BRF2: variants seen among roughly 807,000 people sequenced by gnomAD.
The protein encoded by BRF2 is BRF2 general transcription factor IIIB subunit, also known as transcription factor IIIB 50 kDa subunit.
BRF2 carries 17 observed loss-of-function variants against 26.6 expected under a neutral mutation model. The observed-to-expected ratio is 0.64, with a 90% CI of 0.44 to 0.96. The LOEUF (loss-of-function observed/expected upper bound fraction) is 0.96. Among genes scored for constraint, BRF2 ranks in the 40% least tolerant of loss-of-function variants. The pLI is 0.00. For missense variants in BRF2, 515 were observed against 537.0 expected (o/e 0.96, Z 0.40); for synonymous variants, 219 against 226.6 (o/e 0.97, Z 0.30).
chr8:37,845,246 T>C, intron 3 of BRF2, 33 bp from the exon 4 acceptor site: 1 of 1,562,874 alleles, frequency 6.4e-7, no homozygotes, highest in Non-Finnish European at 8.8e-7. Flanking sequence ...TGGATCTTAA[T>C]GATATAGGGG....
rs1485639938 is a variant in BRF2, at chr8:37,844,380, T to C, written c.*110A>G. The C allele has an allele frequency of 2.7e-6, 4 of 1,454,564 alleles. No individual in the cohort carries two copies. Among genetic ancestry groups the C allele is most frequent in the Non-Finnish European group, 3.7e-6 (4 of 1,071,358 alleles). The allele number at this position is 1,454,564 out of a possible 1,614,324, so 90.1% of individuals were successfully genotyped here. ...AATGGCAGAGCCCCTCTTGGTTCCT[T>C]CAAACAAGAAAAGCAATACCTACGG... On this transcript the variant is annotated 3_prime_UTR_variant, in exon 4 of 4. Transcript: ENST00000220659.
At position 37,849,669 on chromosome 8, in the gene BRF2, C is replaced by A. The variant is rs752525380; in HGVS notation, c.115G>T (p.Val39Phe). Residue 39 changes from valine (V) to phenylalanine (F), a missense_variant, in exon 1 of 4, where the codon GTC (valine) becomes TTC (phenylalanine). Physicochemically the swap from Val to Phe is conservative, Grantham distance 50. Coordinates refer to ENST00000220659, the MANE Select transcript of BRF2 (RefSeq NM_018310.4). ...TCGTCGCTGAAGGTAGTGGTAAGGA[C>A]CCCCTCGGTGACCACGCAGCCGCAG... ...SDCGCVVTEG[V>F]LTTTFSDEGN... The A allele has an allele frequency of 1.9e-6, 3 of 1,613,376 alleles. No individual in the cohort carries two copies. The highest frequency in any genetic ancestry group is 4.5e-5 in the East Asian group (2 of 44,868).
Position 37,847,101 on chromosome 8 carries a change from A to G in BRF2, c.289T>C (p.Tyr97His), listed in dbSNP as rs182678135. 107 of 1,614,234 alleles carry G rather than the reference A, an allele frequency of 6.6e-5. No individual in the cohort carries two copies. Among genetic ancestry groups the G allele is most frequent in the Non-Finnish European group, 6.7e-5 (79 of 1,180,036 alleles). ...PTFEDTAVAY[Y>H]QQAYRHSGIR... ...CCAGAGTGCCGATATGCCTGTTGGT[A>G]GTAGGCAACCGCGGTATCCTCAAAT... The change falls in exon 3 of 4, where the codon TAC (tyrosine) becomes CAC (histidine). Residue 97 changes from tyrosine to histidine, a missense_variant. By Grantham distance (83) the Tyr-to-His change is moderately conservative (BLOSUM62 2). Coordinates refer to ENST00000220659, the MANE Select transcript of BRF2 (RefSeq NM_018310.4).
chr8:37,848,595 C>T lies in BRF2; in HGVS notation c.214+1G>A, dbSNP rs200905754. ...CTGTGTTGTAAAAGGTCAATTCTCACCTCGTTGCTGGCTGCGACTAACTTG... is the reference window on the plus strand; with the variant it reads ...CTGTGTTGTAAAAGGTCAATTCTCATCTCGTTGCTGGCTGCGACTAACTTG... On this transcript the variant is annotated splice_donor_variant, in intron 2 of 3. Transcript: ENST00000220659. LOFTEE classifies it high-confidence loss of function. 15 of 1,613,922 alleles carry T rather than the reference C, an allele frequency of 9.3e-6. No individual in the cohort carries two copies. Among genetic ancestry groups the T allele is most frequent in the Non-Finnish European group, 1.3e-5 (15 of 1,179,882 alleles).
chr8:37,844,954 G>A lies in BRF2; in HGVS notation c.796C>T (p.Leu266=), dbSNP rs34817565. Reference sequence around the variant, plus strand: ...AGCAGCACAGCCAGCAGCTCCTGCAGGCGGGAGGACGCCGGGTAGGGCAGG... The same window carrying A: ...AGCAGCACAGCCAGCAGCTCCTGCAAGCGGGAGGACGCCGGGTAGGGCAGG... ...VDLPYPASSR[L]QELLAVLLRM... is the part of the protein sequence containing the mutation. Residue 266 remains leucine (L), a synonymous_variant, in exon 4 of 4, where the codon CTG becomes TTG. Coordinates refer to ENST00000220659, the MANE Select transcript of BRF2 (RefSeq NM_018310.4). 13,001 of 1,614,152 alleles carry A rather than the reference G, an allele frequency of 8.1e-3. 775 individuals carry two copies. The East Asian group carries it at 0.17, about 21-fold the overall frequency.
At chr8:37,848,218 G>A (rs1367005315) in intron 2 of BRF2, among the ~76,000 whole-genome samples, 2 of 151,018 alleles carry the variant, frequency 1.3e-5, no homozygotes, top group African/African-American at 2.4e-5. Flanking sequence ...CCAAAGTGCT[G>A]GGATTACAGG....
chr8:37,844,584 A>G lies in BRF2; in HGVS notation c.1166T>C (p.Ile389Thr), dbSNP rs1281773586. 5.0e-6 allele frequency: 8 copies of G among 1,614,032 alleles called. No homozygotes were observed. Among genetic ancestry groups the G allele is most frequent in the Non-Finnish European group, 6.8e-6 (8 of 1,180,002 alleles). ...CTGAGGGGTACGCAAATACTGTTCT[A>G]TTTCACTATCAGAAATGTTCTCATC... is the stretch of plus-strand genomic sequence containing the variant. ...TGDENISDSE[I>T]EQYLRTPQEV... The change falls in exon 4 of 4, where the codon ATA (isoleucine) becomes ACA (threonine). Residue 389 changes from isoleucine (I) to threonine (T), a missense_variant. Ile to Thr is a moderately conservative substitution (Grantham distance 89, BLOSUM62 -1). Transcript: ENST00000220659.
intron 3 of BRF2, among the ~76,000 whole-genome samples, chr8:37,845,985 C>T (rs1434140687): frequency 6.6e-6 from 1 of 152,216 alleles, no homozygotes; most frequent in Admixed American, 6.5e-5. Context: ...CTCAGCAGCC[C>T]TGTGCCAAGA....
Position 37,847,006 on chromosome 8 carries a change from C to T in BRF2, c.384G>A (p.Gln128=). 4 of 1,614,242 alleles carry T rather than the reference C, an allele frequency of 2.5e-6. No individual in the cohort carries two copies. In the South Asian group the frequency reaches 3.3e-5, roughly 13 times the overall value. ...VGCCVLITCR[Q]HNWPLTMGAI... Reference sequence around the variant, plus strand: ...CCCCCATTGTTAGGGGCCAGTTATGCTGTCGGCAGGTGATTAAGACGCAGC... The same window carrying T: ...CCCCCATTGTTAGGGGCCAGTTATGTTGTCGGCAGGTGATTAAGACGCAGC... The change falls in exon 3 of 4, where the codon CAG becomes CAA. Residue 128 remains glutamine (Q), a synonymous_variant. Transcript: ENST00000220659.
At position 37,847,288 on chromosome 8, in the gene BRF2, G is replaced by A. The variant is rs141294190; in HGVS notation, c.215-113C>T. On this transcript the variant is annotated intron_variant, in intron 2 of 3. Coordinates refer to ENST00000220659, the MANE Select transcript of BRF2 (RefSeq NM_018310.4). ...GCTAAACTTGCCTCAGATATCAGAT[G>A]CACAAATTATGTACCTTTCTGCATA... is the stretch of plus-strand genomic sequence containing the variant. 64 of 863,642 alleles carry A rather than the reference G, an allele frequency of 7.4e-5. 1 individual carries two copies. In the African/African-American group the frequency reaches 9.5e-4, roughly 13 times the overall value. 53.5% of individuals were successfully genotyped at this position (863,642 alleles called of 1,614,324 possible).
chr8:37,844,480 T>C lies in BRF2; in HGVS notation c.*10A>G. On this transcript the variant is annotated 3_prime_UTR_variant, in exon 4 of 4. Transcript: ENST00000220659. ...TCAGAACAGGATGAAGTGCTCCCAGTGGATATCCATCAGGGAGGGTTAGGG... is the reference window on the plus strand; with the variant it reads ...TCAGAACAGGATGAAGTGCTCCCAGCGGATATCCATCAGGGAGGGTTAGGG... 1 of 1,610,690 alleles carries C rather than the reference T, an allele frequency of 6.2e-7. No homozygotes were observed. Among genetic ancestry groups the C allele is most frequent in the Non-Finnish European group, 8.5e-7 (1 of 1,178,578 alleles).
intron 1 of BRF2, 90 bp from the exon 2 acceptor site, chr8:37,848,745 A>G: frequency 9.4e-7 from 1 of 1,063,982 alleles, no homozygotes; most frequent in Non-Finnish European, 1.5e-6. Context: ...CGCAAAATTC[A>G]AATCATTGAG....
At position 37,849,779 on chromosome 8, in the gene BRF2, G is replaced by C; in HGVS notation, c.5C>G (p.Pro2Arg). Residue 2 changes from proline (P) to arginine (R), a missense_variant, in exon 1 of 4, where the codon CCA becomes CGA. By Grantham distance (103) the Pro-to-Arg change is moderately radical. Coordinates refer to ENST00000220659, the MANE Select transcript of BRF2 (RefSeq NM_018310.4). ...GCAGTCCGGGCAGCGGCCTCTGCCT[G>C]GCATCTCACAACCGGCCCCAAAGCC... The part of the protein sequence containing the change: M[P>R]GRGRCPDCGS... 1 of 1,608,398 alleles carries C rather than the reference G, an allele frequency of 6.2e-7. No individual in the cohort carries two copies. Among genetic ancestry groups the C allele is most frequent in the Non-Finnish European group, 8.5e-7 (1 of 1,178,596 alleles).
Position 37,844,321 on chromosome 8 carries a change from C to T in BRF2, c.*169G>A, listed in dbSNP as rs766235754. 3.7e-5 allele frequency: 29 copies of T among 776,694 alleles called. No homozygotes were observed. The highest frequency in any genetic ancestry group is 5.6e-5 in the Admixed American group (2 of 35,600). The allele number at this position is 776,694 out of a possible 1,614,324, so 48.1% of individuals were successfully genotyped here. A position where few individuals can be genotyped will look rare whatever the true frequency, so the allele number is the denominator to read the frequency against. ...TCTCCTACCTATAGTCATCCCTGCA[C>T]TCCTGACTTTACTCCAGGACCCAGG... On this transcript the variant is annotated 3_prime_UTR_variant, in exon 4 of 4. Coordinates refer to ENST00000220659, the MANE Select transcript of BRF2 (RefSeq NM_018310.4).
chr8:37,846,342 G>A (rs545642562), intron 3 of BRF2, among the ~76,000 whole-genome samples: 2 of 151,012 alleles, frequency 1.3e-5, no homozygotes. Flanking sequence ...AGCAAGACTC[G>A]GTCTCAAAAA....
intron 3 of BRF2, 42 bp from the exon 4 acceptor site, chr8:37,845,255 G>T (rs1314839328): frequency 1.4e-5 from 22 of 1,528,474 alleles, no homozygotes; most frequent in Non-Finnish European, 2.0e-5. Flanking sequence ...ATGATATAGG[G>T]GCTGCTCTCC....
At position 37,849,850 on chromosome 8, in the gene BRF2, G is replaced by A. The variant is rs1006263131; in HGVS notation, c.-67C>T. Reference sequence around the variant, plus strand: ...CTGGGTCTGCAACAGCAACCGTGAGGCAGCAAGAAGTAGGAGGGGACACTT... The same window carrying A: ...CTGGGTCTGCAACAGCAACCGTGAGACAGCAAGAAGTAGGAGGGGACACTT... On this transcript the variant is annotated 5_prime_UTR_variant, in exon 1 of 4. Transcript: ENST00000220659. 4.1e-6 allele frequency: 6 copies of A among 1,471,436 alleles called. No homozygotes were observed. In the South Asian group the frequency reaches 5.0e-5, roughly 12 times the overall value. 91.1% of individuals were successfully genotyped at this position (1,471,436 alleles called of 1,614,324 possible).
intron 1 of BRF2, 101 bp downstream of exon 1, chr8:37,849,529 G>C: frequency 1.0e-6 from 1 of 960,648 alleles, no homozygotes; most frequent in Non-Finnish European, 1.6e-6. Context: ...CTCAAATTAA[G>C]TGTGTGCGTT....
Position 37,844,516 on chromosome 8 carries a change from C to T in BRF2, c.1234G>A (p.Ala412Thr). 1 of 1,613,352 alleles carries T rather than the reference C, an allele frequency of 6.2e-7. No homozygotes were observed. The change falls in exon 4 of 4, where the codon GCC (alanine) becomes ACC (threonine). Residue 412 changes from alanine to threonine, a missense_variant. Ala to Thr is a moderately conservative substitution (Grantham distance 58). Transcript: ENST00000220659. ...CAGGGAGGGTTAGGGACACTCGTGG[C>T]AGCCTGTCTAGCAGCCTGGGCTCTC... The part of the protein sequence containing the change: ...FQRAQAARQA[A>T]TSVPNPP
Sources: gnomAD v4.1 joint callset for allele counts (sites outside exome capture counted in the v4.1 genomes callset) on GRCh38, gnomAD v4.1.1 for gene constraint, MANE v1.5 for transcripts, NCBI Gene and HGNC (gene_info 2026-07-23, HGNC 2026-07-21) for gene names.